Variants in RIMS1 observed in about 807,000 individuals in gnomAD.
RIMS1 encodes the protein regulating synaptic membrane exocytosis 1.
RIMS1 carries 83 observed loss-of-function variants against 214.1 expected under a neutral mutation model. The observed-to-expected ratio is 0.39, with a 90% CI of 0.32 to 0.47. RIMS1 has a LOEUF of 0.47. Among genes scored for constraint, RIMS1 ranks in the 20% least tolerant of loss-of-function variants. The probability of loss-of-function intolerance (pLI) is 0.99; values close to 1 mark genes in which losing one functional copy is unlikely to be tolerated. For missense variants in RIMS1, 2,050 were observed against 2,161.8 expected, an observed-to-expected ratio of 0.95 and a Z score of 1.03; for synonymous variants, 793 against 786.8, an observed-to-expected ratio of 1.01 and a Z score of -0.13.
intron 5 of RIMS1, among the ~76,000 whole-genome samples, chr6:72,182,060 A>T (rs189756217): frequency 4.6e-5 from 7 of 152,232 alleles, no homozygotes; most frequent in Non-Finnish European, 1.0e-4. Flanking sequence ...TAGTACAAGC[A>T]TGACACTCTT....
chr6:72,174,659 TA>T (rs999885255), intron 4 of RIMS1, among the ~76,000 whole-genome samples: 15 of 152,178 alleles, frequency 9.9e-5, no homozygotes, highest in African/African-American at 3.6e-4. Flanking sequence ...TTGCAGATAT[TA>T]AAATGCTTTA....
intron 2 of RIMS1, among the ~76,000 whole-genome samples, chr6:71,972,062 A>AAG (rs1357889873): frequency 6.6e-6 from 1 of 152,306 alleles, no homozygotes; most frequent in African/African-American, 2.4e-5. Flanking sequence ...AAAAAAAAAT[A>AAG]AGAGCGAGCC....
chr6:72,072,226 A>G (rs905097695), intron 2 of RIMS1, among the ~76,000 whole-genome samples: 3 of 152,200 alleles, frequency 2.0e-5, no homozygotes, highest in African/African-American at 7.2e-5. Context: ...TTGTTGTATT[A>G]TGCACATATT....
intron 2 of RIMS1, among the ~76,000 whole-genome samples, chr6:72,038,821 A>G (rs1221232096): frequency 6.6e-6 from 1 of 152,122 alleles, no homozygotes; most frequent in Non-Finnish European, 1.5e-5. Flanking sequence ...CAAGGCTCTT[A>G]TGTGGTTTGT....
intron 27 of RIMS1, among the ~76,000 whole-genome samples, chr6:72,313,153 A>T (rs998623133): frequency 1.3e-5 from 2 of 152,180 alleles, no homozygotes; most frequent in African/African-American, 2.4e-5. Flanking sequence ...AATAAAATGG[A>T]CAAGAATGAA....
chr6:72,121,125 T>C lies in RIMS1; in HGVS notation c.471+21139T>C, dbSNP rs566152682. On this transcript the variant is annotated intron_variant, in intron 4 of 33. Transcript: ENST00000521978. ...TTGTTCTTTTTACTTAGGATTGTCTTGGCAACATGGTCTCTTTTTCAGTTC... is the reference window on the plus strand; with the variant it reads ...TTGTTCTTTTTACTTAGGATTGTCTCGGCAACATGGTCTCTTTTTCAGTTC... 1.4e-4 allele frequency among the ~76,000 whole-genome samples: 22 copies of C among 152,026 alleles called. 1 individual carries two copies. In the South Asian group the frequency reaches 4.6e-3, roughly 32 times the overall value.
intron 29 of RIMS1, among the ~76,000 whole-genome samples, chr6:72,359,138 A>T (rs1364255457): frequency 6.6e-6 from 1 of 152,198 alleles, no homozygotes; most frequent in Non-Finnish European, 1.5e-5. Context: ...AGGCTAACAA[A>T]TACAGTTTAT....
chr6:72,402,262 G>A lies in RIMS1; in HGVS notation c.*1548G>A, dbSNP rs2098839488. ...TTGCATGTACTTGTACAGTTTGCTT[G>A]TTAATTACTATACCGAAATAACCAA... On this transcript the variant is annotated 3_prime_UTR_variant, in exon 34 of 34. Coordinates refer to ENST00000521978, the MANE Select transcript of RIMS1 (RefSeq NM_014989.7). The A allele has an allele frequency of 6.6e-6, 1 of 152,624 alleles. No individual in the cohort carries two copies. Among genetic ancestry groups the A allele is most frequent in the Non-Finnish European group, 1.5e-5 (1 of 68,030 alleles). 9.5% of individuals were successfully genotyped at this position (152,624 alleles called of 1,614,324 possible). A position where few individuals can be genotyped will look rare whatever the true frequency, so the allele number is the denominator to read the frequency against.
At chr6:71,936,833 C>T (rs1341021875) in intron 1 of RIMS1, among the ~76,000 whole-genome samples, 1 of 152,210 alleles carries the variant, frequency 6.6e-6, no homozygotes, top group Non-Finnish European at 1.5e-5. Flanking sequence ...GTTGTGTGTA[C>T]AGTAGAATTA....
At chr6:72,169,572 A>G (rs2046741435) in intron 4 of RIMS1, among the ~76,000 whole-genome samples, 1 of 152,116 alleles carries the variant, frequency 6.6e-6, no homozygotes, top group African/African-American at 2.4e-5. Flanking sequence ...AATTCCCTAT[A>G]TTTTATTCTC....
chr6:71,918,435 C>A (rs1779057903), intron 1 of RIMS1, among the ~76,000 whole-genome samples: 1 of 152,088 alleles, frequency 6.6e-6, no homozygotes, highest in African/African-American at 2.4e-5. Context: ...TCACTAGTAC[C>A]CTTGTCAAGA....
At chr6:72,351,112 T>C (rs1009063750) in intron 29 of RIMS1, among the ~76,000 whole-genome samples, 1 of 152,142 alleles carries the variant, frequency 6.6e-6, no homozygotes, top group African/African-American at 2.4e-5. Context: ...TGTAATTTTT[T>C]AGAGAATTTG....
chr6:72,334,201 C>G (rs1227327307), intron 29 of RIMS1, among the ~76,000 whole-genome samples: 1 of 151,830 alleles, frequency 6.6e-6, no homozygotes, highest in African/African-American at 2.4e-5. Context: ...TTATTTTTGG[C>G]TATATCTATA....
At position 72,336,799 on chromosome 6, in the gene RIMS1, C is replaced by T. The variant is rs566681531; in HGVS notation, c.4366+2964C>T. On this transcript the variant is annotated intron_variant, in intron 29 of 33. Transcript: ENST00000521978. Reference sequence around the variant, plus strand: ...ATTATCACTCCTCTTTGTTTTAGTGCATAGCCTGATATTTCTCTTTCTTAG... The same window carrying T: ...ATTATCACTCCTCTTTGTTTTAGTGTATAGCCTGATATTTCTCTTTCTTAG... Among the ~76,000 whole-genome samples the T allele has an allele frequency of 5.9e-5, 9 of 151,886 alleles. No homozygotes were observed. The East Asian group carries it at 1.4e-3, about 23-fold the overall frequency.
chr6:72,196,741 G>C (rs71557814), intron 6 of RIMS1, among the ~76,000 whole-genome samples: 1 of 151,830 alleles, frequency 6.6e-6, no homozygotes, highest in South Asian at 2.1e-4. Flanking sequence ...GAGTAGATGA[G>C]ATGTTTATAG....
intron 6 of RIMS1, among the ~76,000 whole-genome samples, chr6:72,193,660 A>C (rs1410679568): frequency 2.0e-5 from 3 of 152,158 alleles, no homozygotes; most frequent in Admixed American, 6.5e-5. Context: ...ACTTCCATAA[A>C]TCTCCATTTT....
At chr6:72,059,217 G>C (rs1045083668) in intron 2 of RIMS1, among the ~76,000 whole-genome samples, 5 of 152,038 alleles carry the variant, frequency 3.3e-5, no homozygotes, top group Admixed American at 1.3e-4. Flanking sequence ...GTTTCTGCTA[G>C]GCATTTTGTT....
chr6:71,918,477 A>G (rs1429684415), intron 1 of RIMS1, among the ~76,000 whole-genome samples: 1 of 152,216 alleles, frequency 6.6e-6, no homozygotes, highest in Non-Finnish European at 1.5e-5. Flanking sequence ...AGACAAAAAC[A>G]TAATTGGAGT....
intron 6 of RIMS1, among the ~76,000 whole-genome samples, chr6:72,203,220 C>G (rs1054502743): frequency 2.0e-5 from 3 of 152,120 alleles, no homozygotes; most frequent in Admixed American, 1.3e-4. Flanking sequence ...ATCTCCTGAC[C>G]CTGTGATCCG....
Sources: allele counts gnomAD v4.1 joint callset (sites outside exome capture counted in the v4.1 genomes callset), GRCh38; gene constraint gnomAD v4.1.1; transcripts MANE v1.5; gene names NCBI Gene and HGNC (gene_info 2026-07-23, HGNC 2026-07-21).